GLDC: variants seen among roughly 807,000 people sequenced by gnomAD.
GLDC encodes glycine decarboxylase.
A neutral mutation model predicts 121.3 loss-of-function variants in GLDC; 104 were observed. The ratio of observed to expected loss-of-function variants is 0.86; its 90% confidence interval spans 0.73 to 1.01. The LOEUF is 1.01. GLDC is among the 50% of genes least tolerant of loss of function. The pLI is 0.00. For missense variants in GLDC, 1,429 were observed against 1,306.6 expected (o/e 1.09, Z -1.44); for synonymous variants, 546 against 480.6 (o/e 1.14, Z -1.78).
intron 2 of GLDC, among the ~76,000 whole-genome samples, chr9:6,626,709 C>G (rs1819246301): frequency 6.6e-6 from 1 of 152,168 alleles, no homozygotes; most frequent in African/African-American, 2.4e-5. Flanking sequence ...TCTCTCATAC[C>G]TCTCCGCACA....
chr9:6,585,254 C>G (rs1332084419), intron 15 of GLDC, among the ~76,000 whole-genome samples: 1 of 152,104 alleles, frequency 6.6e-6, no homozygotes, highest in Non-Finnish European at 1.5e-5. Flanking sequence ...GAGCTAATAA[C>G]CAGAATTAAA....
At chr9:6,619,059 CT>C (rs1489917945) in intron 3 of GLDC, among the ~76,000 whole-genome samples, 1 of 144,092 alleles carries the variant, frequency 6.9e-6, no homozygotes, top group Non-Finnish European at 1.5e-5. Flanking sequence ...AGGAGAATCA[CT>C]TGAACTCGAA....
At chr9:6,558,215 T>G in intron 17 of GLDC, 1 of 541,734 alleles carries the variant, frequency 1.8e-6, no homozygotes, top group Non-Finnish European at 3.3e-6. Flanking sequence ...GTGTTACAAT[T>G]CCTGACACGA....
chr9:6,638,274 A>G (rs4742232), intron 2 of GLDC, among the ~76,000 whole-genome samples: 39,657 of 151,218 alleles, frequency 0.26, 5,296 homozygotes, highest in South Asian at 0.35. Context: ...CAATGGCGCG[A>G]CTTAGCTCAC....
intron 3 of GLDC, among the ~76,000 whole-genome samples, chr9:6,615,328 C>G (rs554909624): frequency 6.6e-6 from 1 of 151,748 alleles, no homozygotes; most frequent in South Asian, 2.1e-4. Context: ...TGTGGTGGCT[C>G]ACACCTGTCA....
rs767772993 is a variant in GLDC at position 6,536,087 on chromosome 9, C to T, written c.2815G>A (p.Asp939Asn). ...EIADIEEGRI[D>N]PRVNPLKMSP... ...ACCTTCAGCGGATTGACCCTGGGGT[C>T]GATGCGGCCCTCCTCAATGTCAGCA... Residue 939 changes from aspartate to asparagine, a missense_variant, in exon 23 of 25, where the codon GAC (aspartate) becomes AAC (asparagine). Asp to Asn is a conservative substitution (Grantham distance 23, BLOSUM62 1). Transcript: ENST00000321612. The T allele has an allele frequency of 3.0e-5, 48 of 1,613,700 alleles. No individual in the cohort carries two copies. Among genetic ancestry groups the T allele is most frequent in the East Asian group, 8.9e-5 (4 of 44,908 alleles).
intron 15 of GLDC, among the ~76,000 whole-genome samples, chr9:6,577,878 C>A (rs1436662911): frequency 6.6e-6 from 1 of 151,494 alleles, no homozygotes; most frequent in East Asian, 1.9e-4. Context: ...TAATGTACTT[C>A]TTTCTCTGTT....
intron 3 of GLDC, 24 bp downstream of exon 3, chr9:6,620,160 T>C: frequency 4.3e-6 from 7 of 1,610,018 alleles, no homozygotes; most frequent in Non-Finnish European, 5.9e-6. Flanking sequence ...AGTCATCCTG[T>C]TCCTGAACTG....
Position 6,533,022 on chromosome 9 carries a change from A to C in GLDC, c.3058T>G (p.Ser1020Ala), listed in dbSNP as rs533019569. 6.2e-7 allele frequency: 1 copy of C among 1,608,308 alleles called. No homozygotes were observed. The highest frequency in any genetic ancestry group is 1.3e-5 in the African/African-American group (1 of 74,932). The change falls in exon 25 of 25, where the codon TCT becomes GCT. Residue 1020 changes from serine to alanine, a missense_variant. Coordinates refer to ENST00000321612, the MANE Select transcript of GLDC (RefSeq NM_000170.3). ...SPFSEQKRAS[S>A] ...TTAAACTTAGGGACAGAGGACTAAG[A>C]AGACGCCCTCTTTTGTTCAGAAAAT...
At chr9:6,625,162 G>T (rs992052793) in intron 2 of GLDC, among the ~76,000 whole-genome samples, 3 of 152,048 alleles carry the variant, frequency 2.0e-5, no homozygotes, top group African/African-American at 7.2e-5. Context: ...GGGATATGTT[G>T]GAAGTCTGTG....
chr9:6,557,211 CT>C (rs1271813136), intron 17 of GLDC, among the ~76,000 whole-genome samples: 2 of 151,926 alleles, frequency 1.3e-5, no homozygotes, highest in Non-Finnish European at 2.9e-5. Context: ...GATGGATATG[CT>C]GATTACCCTG....
At chr9:6,572,724 TG>T (rs1203378874) in intron 15 of GLDC, among the ~76,000 whole-genome samples, 6 of 152,244 alleles carry the variant, frequency 3.9e-5, no homozygotes, top group Non-Finnish European at 2.9e-5. Context: ...CAGCCTTTCT[TG>T]GGTCTTACTC....
At chr9:6,551,423 A>G (rs768198648) in intron 20 of GLDC, among the ~76,000 whole-genome samples, 35 of 152,188 alleles carry the variant, frequency 2.3e-4, no homozygotes, top group Admixed American at 5.9e-4. Flanking sequence ...CCCTGTGATC[A>G]TAAGGGATAC....
At chr9:6,620,085 G>A in intron 3 of GLDC, 99 bp downstream of exon 3, 1 of 1,140,376 alleles carries the variant, frequency 8.8e-7, no homozygotes, top group Non-Finnish European at 1.3e-6. Context: ...GGAGGTGGGT[G>A]TCAGTGTGGA....
At chr9:6,596,003 A>T (rs1451672674) in intron 8 of GLDC, among the ~76,000 whole-genome samples, 1 of 152,222 alleles carries the variant, frequency 6.6e-6, no homozygotes, top group Non-Finnish European at 1.5e-5. Flanking sequence ...GAAAACATGG[A>T]AGTAGGCATT....
chr9:6,638,993 A>G (rs1201772132), intron 2 of GLDC: 2 of 421,238 alleles, frequency 4.7e-6, no homozygotes, highest in Non-Finnish European at 8.8e-6. Context: ...TGGGCAACAG[A>G]GCGAGACTCT....
At position 6,592,876 on chromosome 9, in the gene GLDC, T is replaced by G. The variant is rs1818403972; in HGVS notation, c.1376A>C (p.Asn459Thr). 3 of 1,613,672 alleles carry G rather than the reference T, an allele frequency of 1.9e-6. No individual in the cohort carries two copies. The highest frequency in any genetic ancestry group is 8.5e-7 in the Non-Finnish European group (1 of 1,179,984). Residue 459 changes from asparagine to threonine, a missense_variant, in exon 10 of 25, where the codon AAT becomes ACT. Physicochemically the swap from Asn to Thr is moderately conservative, Grantham distance 65 (BLOSUM62 0). Transcript: ENST00000321612. ...VLGRAAQRQINFRLFEDGTLG... is the reference protein window; with the variant it reads ...VLGRAAQRQITFRLFEDGTLG... ...TGTGCCATCCTCAAAAAGCCGAAAATTGATCTGCCGCTGAGCGGCCCTGCC... is the reference window on the plus strand; with the variant it reads ...TGTGCCATCCTCAAAAAGCCGAAAAGTGATCTGCCGCTGAGCGGCCCTGCC...
chr9:6,590,831 C>A (rs1301589251), intron 11 of GLDC, among the ~76,000 whole-genome samples: 1 of 152,112 alleles, frequency 6.6e-6, no homozygotes, highest in Non-Finnish European at 1.5e-5. Flanking sequence ...CTAACTCAGT[C>A]CTGTTTAATT....
intron 22 of GLDC, among the ~76,000 whole-genome samples, chr9:6,538,768 A>G (rs1225372053): frequency 6.6e-6 from 1 of 152,232 alleles, no homozygotes; most frequent in Non-Finnish European, 1.5e-5. Flanking sequence ...GAAGTAGGCA[A>G]GGCATCCACA....
Sources: gnomAD v4.1 joint callset for allele counts (sites outside exome capture counted in the v4.1 genomes callset) on GRCh38, gnomAD v4.1.1 for gene constraint, MANE v1.5 for transcripts, NCBI Gene and HGNC (gene_info 2026-07-23, HGNC 2026-07-21) for gene names.